Variants in RPS6KC1 observed in about 807,000 individuals in gnomAD.
RPS6KC1 encodes ribosomal protein S6 kinase C1.
A neutral mutation model predicts 103.8 loss-of-function variants in RPS6KC1; 54 were observed. The observed-to-expected ratio is 0.52, with a 90% CI of 0.42 to 0.65. The LOEUF is 0.65. Among genes scored for constraint, RPS6KC1 ranks in the 30% least tolerant of loss-of-function variants. The pLI, the probability that RPS6KC1 is intolerant of heterozygous loss-of-function variation, is 0.00. For missense variants in RPS6KC1, 1,151 were observed against 1,253.8 expected, an observed-to-expected ratio of 0.92 and a Z score of 1.24; for synonymous variants, 439 against 438.7, an observed-to-expected ratio of 1.00 and a Z score of -0.01.
At chr1:213,684,619 G>A in the RPS6KC1 span, among the ~76,000 whole-genome samples, 2 of 152,288 alleles carry the variant, frequency 1.3e-5, no homozygotes, top group East Asian at 3.9e-4. Context: ...TGACCTCATC[G>A]CTTGGCTTTG....
At chr1:213,850,971 G>C in the RPS6KC1 span, among the ~76,000 whole-genome samples, 1 of 151,962 alleles carries the variant, frequency 6.6e-6, no homozygotes, top group African/African-American at 2.4e-5. Context: ...GTAGGTACAG[G>C]GGACTCCATG....
chr1:213,497,421 A>G, the RPS6KC1 span, among the ~76,000 whole-genome samples: 1 of 152,068 alleles, frequency 6.6e-6, no homozygotes, highest in African/African-American at 2.4e-5. Context: ...CCAAATAACA[A>G]TTAAACCCCA....
At chr1:213,327,252 G>GAAAGAAAGAAAT in the RPS6KC1 span, among the ~76,000 whole-genome samples, 2 of 151,494 alleles carry the variant, frequency 1.3e-5, no homozygotes, top group African/African-American at 2.4e-5. Context: ...AAGAAAGAAA[G>GAAAGAAAGAAAT]AAAGAAAGAA....
At chr1:213,067,934 A>G (rs1001006331) in intron 1 of RPS6KC1, among the ~76,000 whole-genome samples, 2 of 152,236 alleles carry the variant, frequency 1.3e-5, no homozygotes, top group African/African-American at 4.8e-5. Flanking sequence ...TACTTCTAAT[A>G]TGTACACCAA....
the RPS6KC1 span, among the ~76,000 whole-genome samples, chr1:213,318,009 C>T: frequency 0.013 from 1,932 of 152,362 alleles, 47 homozygotes; most frequent in African/African-American, 0.042. Context: ...CCAGCCTGGG[C>T]TCCTCTTGCC....
At chr1:213,527,307 T>G in the RPS6KC1 span, among the ~76,000 whole-genome samples, 1 of 152,322 alleles carries the variant, frequency 6.6e-6, no homozygotes, top group Non-Finnish European at 1.5e-5. Flanking sequence ...CATTTTAAAT[T>G]CTGGTCTTGT....
chr1:213,527,483 T>C, the RPS6KC1 span, among the ~76,000 whole-genome samples: 2 of 152,106 alleles, frequency 1.3e-5, no homozygotes, highest in Non-Finnish European at 2.9e-5. Context: ...GGATTTGTGA[T>C]CACAGTGAGA....
intron 8 of RPS6KC1, among the ~76,000 whole-genome samples, chr1:213,206,574 T>A (rs2093355623): frequency 1.3e-5 from 2 of 152,228 alleles, no homozygotes; most frequent in Admixed American, 1.3e-4. Context: ...AGTCATTTCA[T>A]TTTACACAGT....
chr1:213,851,692 C>T, the RPS6KC1 span, among the ~76,000 whole-genome samples: 9 of 152,278 alleles, frequency 5.9e-5, no homozygotes, highest in African/African-American at 1.7e-4. Flanking sequence ...TCCACCAGCA[C>T]CTCAAAACAA....
chr1:213,658,098 A>C, the RPS6KC1 span, among the ~76,000 whole-genome samples: 3 of 152,196 alleles, frequency 2.0e-5, no homozygotes, highest in Non-Finnish European at 4.4e-5. Flanking sequence ...GCTTGTGCGC[A>C]CTGTAAAGAA....
chr1:213,774,136 G>T, the RPS6KC1 span, among the ~76,000 whole-genome samples: 1 of 152,172 alleles, frequency 6.6e-6, no homozygotes, highest in Non-Finnish European at 1.5e-5. Context: ...GCCCTGTTTG[G>T]GGGGCATGAA....
chr1:213,467,007 A>G, the RPS6KC1 span, among the ~76,000 whole-genome samples: 1 of 150,868 alleles, frequency 6.6e-6, no homozygotes, highest in African/African-American at 2.4e-5. Context: ...AAACCTATCT[A>G]CCAATCTTTT....
intron 2 of RPS6KC1, among the ~76,000 whole-genome samples, chr1:213,074,989 C>T (rs1295314578): frequency 6.6e-6 from 1 of 150,804 alleles, no homozygotes; most frequent in African/African-American, 2.4e-5. Context: ...AGTGCTGGGA[C>T]TTCAGGCACC....
At chr1:213,849,617 G>A in the RPS6KC1 span, among the ~76,000 whole-genome samples, 1 of 152,034 alleles carries the variant, frequency 6.6e-6, no homozygotes, top group African/African-American at 2.4e-5. Context: ...TGTAGGTAAA[G>A]TTATAATAAT....
At chr1:213,708,382 A>G in the RPS6KC1 span, among the ~76,000 whole-genome samples, 1 of 152,158 alleles carries the variant, frequency 6.6e-6, no homozygotes, top group Non-Finnish European at 1.5e-5. Context: ...TTGCACATTG[A>G]TTTTGTATCC....
the RPS6KC1 span, among the ~76,000 whole-genome samples, chr1:213,324,506 T>C: frequency 6.6e-6 from 1 of 152,054 alleles, no homozygotes; most frequent in Non-Finnish European, 1.5e-5. Context: ...TTAGGTCTAT[T>C]GGAAAATACT....
the RPS6KC1 span, among the ~76,000 whole-genome samples, chr1:213,377,626 C>T: frequency 7.9e-5 from 12 of 152,252 alleles, no homozygotes; most frequent in East Asian, 1.9e-3. Context: ...AATAATAATA[C>T]TAAATGCCAT....
At chr1:213,232,999 T>C (rs1350196311) in intron 10 of RPS6KC1, among the ~76,000 whole-genome samples, 7 of 152,202 alleles carry the variant, frequency 4.6e-5, no homozygotes, top group African/African-American at 1.7e-4. Context: ...TTAAATTGTT[T>C]TCCGTATCTC....
chr1:213,350,836 T>C, the RPS6KC1 span, among the ~76,000 whole-genome samples: 3 of 152,172 alleles, frequency 2.0e-5, 1 homozygote, highest in Non-Finnish European at 2.9e-5. Flanking sequence ...ATTGGTATCA[T>C]ATATATGTAT....
Sources: allele counts gnomAD v4.1 joint callset (sites outside exome capture counted in the v4.1 genomes callset), GRCh38; gene constraint gnomAD v4.1.1; transcripts MANE v1.5; gene names NCBI Gene and HGNC (gene_info 2026-07-23, HGNC 2026-07-21).